The following CRYBG3 variants were observed in gnomAD, a reference collection of about 807,000 sequenced individuals.
CRYBG3 encodes very large A-kinase anchor protein.
Under a neutral mutation model 244.2 loss-of-function variants are expected in CRYBG3, and 127 were observed. That is an observed-to-expected ratio of 0.52 (90% CI 0.45 to 0.60). CRYBG3 has a LOEUF of 0.60. CRYBG3 is among the 20% of genes least tolerant of loss of function. CRYBG3 has a pLI of 0.00. For synonymous variants in CRYBG3, 1,132 were observed against 1,195.8 expected (o/e 0.95, Z 1.10); for missense variants, 3,325 against 3,442.5 (o/e 0.97, Z 0.85).
At chr3:97,886,916 C>A (rs2039514876) in intron 8 of CRYBG3, 149 bp downstream of exon 8, 2 of 609,024 alleles carry the variant, frequency 3.3e-6, no homozygotes, top group African/African-American at 1.9e-5. Flanking sequence ...TTCTTTGGAT[C>A]TAATTAGAGC....
At chr3:97,897,460 G>A (rs1357428312) in intron 12 of CRYBG3, among the ~76,000 whole-genome samples, 1 of 151,870 alleles carries the variant, frequency 6.6e-6, no homozygotes, top group African/African-American at 2.4e-5. Context: ...AGTTTTTAAG[G>A]TTGTTCATCA....
At chr3:97,857,097 C>T (rs532314130) in intron 2 of CRYBG3, among the ~76,000 whole-genome samples, 6 of 152,050 alleles carry the variant, frequency 3.9e-5, no homozygotes, top group East Asian at 1.9e-4. Context: ...TTTCATTTGA[C>T]GAAACAAATG....
In CRYBG3 at chr3:97,926,892, C is replaced by A. The variant is rs530689669; in HGVS notation, c.8242-6802C>A. 1.5e-4 allele frequency among the ~76,000 whole-genome samples: 23 copies of A among 152,030 alleles called. No homozygotes were observed. The South Asian group carries it at 4.8e-3, about 32-fold the overall frequency. Reference sequence around the variant, plus strand: ...TGAAAGATCTCTACAATGAAAATTACAGAACACTGCTGAAAGAACTCAGAG... The same window carrying A: ...TGAAAGATCTCTACAATGAAAATTAAAGAACACTGCTGAAAGAACTCAGAG... On this transcript the variant is annotated intron_variant, in intron 17 of 21. Coordinates refer to ENST00000389622, the MANE Select transcript of CRYBG3 (RefSeq NM_153605.4).
chr3:97,843,167 A>G, intron 1 of CRYBG3, 28 bp from the exon 2 acceptor site: 2 of 1,441,278 alleles, frequency 1.4e-6, no homozygotes, highest in Non-Finnish European at 1.8e-6. Flanking sequence ...TTTTAATTTC[A>G]AAAGAAACTG....
intron 8 of CRYBG3, among the ~76,000 whole-genome samples, chr3:97,887,499 C>A (rs1271694196): frequency 6.6e-6 from 1 of 152,184 alleles, no homozygotes; most frequent in Admixed American, 6.5e-5. Context: ...CGCCTGTAAT[C>A]CCAACACTTT....
intron 17 of CRYBG3, among the ~76,000 whole-genome samples, chr3:97,927,432 G>T (rs375559035): frequency 2.6e-5 from 4 of 151,908 alleles, no homozygotes; most frequent in Non-Finnish European, 4.4e-5. Flanking sequence ...ATGGATTAAA[G>T]ACTAAAATAT....
intron 3 of CRYBG3, among the ~76,000 whole-genome samples, chr3:97,870,736 A>G (rs1243893899): frequency 6.6e-6 from 1 of 152,172 alleles, no homozygotes; most frequent in African/African-American, 2.4e-5. Flanking sequence ...TCATTCCTTT[A>G]CTTATTCATT....
chr3:97,846,540 A>G (rs1278100552), intron 2 of CRYBG3, among the ~76,000 whole-genome samples: 1 of 152,052 alleles, frequency 6.6e-6, no homozygotes, highest in African/African-American at 2.4e-5. Context: ...ATGTTTTTTC[A>G]GTTTTTTTGT....
intron 6 of CRYBG3, 101 bp downstream of exon 6, chr3:97,880,201 C>T (rs1208128590): frequency 1.7e-6 from 1 of 596,990 alleles, no homozygotes. Flanking sequence ...GTCATATTCT[C>T]CTTCCTCTAC....
chr3:97,891,951 C>A (rs2039583261), intron 10 of CRYBG3, among the ~76,000 whole-genome samples: 1 of 152,162 alleles, frequency 6.6e-6, no homozygotes, highest in South Asian at 2.1e-4. Flanking sequence ...AGCAAAATGC[C>A]TTGAACATCC....
In CRYBG3 at chr3:97,875,306, T is replaced by C. The variant is rs750717087; in HGVS notation, c.4112T>C (p.Ile1371Thr). Reference protein sequence around the residue: ...SEQPVNQSTQISENKVLNEFF... With the variant: ...SEQPVNQSTQTSENKVLNEFF... ...CAGCCAGTAAATCAAAGCACACAAA[T>C]TAGTGAAAATAAAGTATTAAATGAA... is the stretch of plus-strand genomic sequence containing the variant. Residue 1371 changes from isoleucine (I) to threonine (T), a missense_variant, in exon 4 of 22, where the codon ATT (isoleucine) becomes ACT (threonine). By Grantham distance (89) the Ile-to-Thr change is moderately conservative. This residue lies in a region of CRYBG3 where 635 missense variants were observed against 771.7 expected (regional missense o/e 0.82). Coordinates refer to ENST00000389622, the MANE Select transcript of CRYBG3 (RefSeq NM_153605.4). 6.2e-6 allele frequency: 9 copies of C among 1,446,130 alleles called. No homozygotes were observed. Among genetic ancestry groups the C allele is most frequent in the Non-Finnish European group, 4.5e-6 (5 of 1,107,620 alleles). 89.6% of individuals were successfully genotyped at this position (1,446,130 alleles called of 1,614,324 possible).
chr3:97,918,185 G>T (rs1344413922), intron 17 of CRYBG3, among the ~76,000 whole-genome samples: 4 of 152,184 alleles, frequency 2.6e-5, no homozygotes, highest in African/African-American at 9.7e-5. Flanking sequence ...TCCCAGACAT[G>T]CTATGGCTTG....
At chr3:97,824,271 C>T (rs923029396) in intron 1 of CRYBG3, among the ~76,000 whole-genome samples, 3 of 152,170 alleles carry the variant, frequency 2.0e-5, no homozygotes, top group African/African-American at 4.8e-5. Context: ...TGCAATTTGT[C>T]ACTGTGATCT....
At chr3:97,839,670 C>T (rs2038784605) in intron 1 of CRYBG3, among the ~76,000 whole-genome samples, 1 of 151,424 alleles carries the variant, frequency 6.6e-6, no homozygotes, top group Non-Finnish European at 1.5e-5. Context: ...TCTTTTGAGA[C>T]AGGGTCTCAC....
At chr3:97,881,241 A>G (rs1417175681) in intron 7 of CRYBG3, 22 bp downstream of exon 7, 2 of 1,526,796 alleles carry the variant, frequency 1.3e-6, no homozygotes, top group East Asian at 4.6e-5. Context: ...AGATTTTTCT[A>G]TTTTTTATTT....
intron 1 of CRYBG3, among the ~76,000 whole-genome samples, chr3:97,831,078 GA>G (rs34773824): frequency 3.9e-5 from 6 of 152,098 alleles, no homozygotes; most frequent in South Asian, 2.1e-4. Flanking sequence ...CATGCAGGGG[GA>G]AAAAATTGAT....
chr3:97,848,852 C>A (rs1444851441), intron 2 of CRYBG3, among the ~76,000 whole-genome samples: 2 of 152,184 alleles, frequency 1.3e-5, no homozygotes, highest in Non-Finnish European at 2.9e-5. Context: ...AATAATTGTA[C>A]CTGCAACCCT....
intron 2 of CRYBG3, among the ~76,000 whole-genome samples, chr3:97,850,673 AAT>A (rs1457446159): frequency 6.6e-6 from 1 of 152,180 alleles, no homozygotes; most frequent in African/African-American, 2.4e-5. Context: ...ATAACGATCT[AAT>A]GTTATCTTTG....
chr3:97,902,198 A>T (rs569190895), intron 15 of CRYBG3, among the ~76,000 whole-genome samples: 1 of 152,296 alleles, frequency 6.6e-6, no homozygotes, highest in African/African-American at 2.4e-5. Context: ...ATAAGGAGGA[A>T]GTTTCATTTC....
Sources: allele counts gnomAD v4.1 joint callset (sites outside exome capture counted in the v4.1 genomes callset), GRCh38; gene constraint gnomAD v4.1.1; regional missense constraint gnomAD v4.1.1; transcripts MANE v1.5; gene names NCBI Gene and HGNC (gene_info 2026-07-23, HGNC 2026-07-21).